Variants in DOT1L observed in about 807,000 individuals in gnomAD.
The protein encoded by DOT1L is DOT1 like histone lysine methyltransferase.
DOT1L carries 33 observed loss-of-function variants against 153.3 expected under a neutral mutation model. That is an observed-to-expected ratio of 0.22 (90% CI 0.16 to 0.29). DOT1L has a LOEUF of 0.29. Ranked by LOEUF, DOT1L falls within the 10% of genes least tolerant of loss-of-function variation. DOT1L has a pLI of 1.00. For missense variants in DOT1L, 1,847 were observed against 2,119.9 expected, an observed-to-expected ratio of 0.87 and a Z score of 2.53; for synonymous variants, 1,135 against 965.1, an observed-to-expected ratio of 1.18 and a Z score of -3.26.
chr19:2,218,029 T>C (rs1440488908), intron 22 of DOT1L, 111 bp downstream of exon 22: 4 of 1,447,702 alleles, frequency 2.8e-6, no homozygotes, highest in Non-Finnish European at 3.7e-6. Context: ...ATGTCGAGCG[T>C]GAGGCAATGC....
chr19:2,225,262 C>G, intron 25 of DOT1L, 126 bp from the exon 26 acceptor site: 2 of 932,094 alleles, frequency 2.1e-6, no homozygotes, highest in South Asian at 2.8e-5. Flanking sequence ...GCACGGGTCC[C>G]CTGTCTGGGC....
chr19:2,199,858 G>T lies in DOT1L; in HGVS notation c.652-26G>T, dbSNP rs200575059. 9.0e-5 allele frequency: 145 copies of T among 1,611,762 alleles called. No homozygotes were observed. In the East Asian group the frequency reaches 3.2e-3, roughly 35 times the overall value. On this transcript the variant is annotated intron_variant, in intron 7 of 27. Transcript: ENST00000398665. ...GGAGTGCCAGGGAGGCCGGGGGTCC[G>T]CGCTCACACCTGTTTTCCCTTTCAG...
At chr19:2,201,357 T>C (rs2023274328) in intron 8 of DOT1L, among the ~76,000 whole-genome samples, 2 of 137,340 alleles carry the variant, frequency 1.5e-5, no homozygotes, top group Admixed American at 7.2e-5. Flanking sequence ...TCCTCCCCGC[T>C]CCCCTCCTTC....
intron 9 of DOT1L, among the ~76,000 whole-genome samples, chr19:2,205,580 A>T (rs1360762474): frequency 6.6e-6 from 1 of 152,196 alleles, no homozygotes; most frequent in Non-Finnish European, 1.5e-5. Flanking sequence ...GTTCAGAGGT[A>T]TTTGAAATAA....
rs1262829365 is a variant in DOT1L, at chr19:2,220,149, G to T, written c.2733G>T (p.Ser911=). The change falls in exon 23 of 28, where the codon TCG becomes TCT. Residue 911 remains serine (S), a synonymous_variant. Transcript: ENST00000398665. This position sits in a 1 kb window ranked among gnomAD's most constrained non-coding sequence, Gnocchi z 4.5. ...PSPVLQPRDP[S]STLEKQIGAN... is the part of the protein sequence containing the mutation. ...CCGTGCTGCAGCCCCGTGACCCCTC[G>T]TCCACACTTGAAAAGCAGATTGGTG... 2 of 1,613,224 alleles carry T rather than the reference G, an allele frequency of 1.2e-6. No homozygotes were observed. Among genetic ancestry groups the T allele is most frequent in the African/African-American group, 2.7e-5 (2 of 74,812 alleles).
Position 2,191,486 on chromosome 19 carries a change from G to T in DOT1L, c.493+246G>T, listed in dbSNP as rs908307033. On this transcript the variant is annotated intron_variant, in intron 5 of 27. Transcript: ENST00000398665. The surrounding 1 kb of genome is among the most constrained non-coding windows in gnomAD (Gnocchi z 6.8). ...CCAGACCAGGCCCATCCTCCCAGGT[G>T]CCCGGAGACTCTGCTTTCGTCCTGC... Among the ~76,000 whole-genome samples, 1 of 151,994 alleles carries T rather than the reference G, an allele frequency of 6.6e-6. No individual in the cohort carries two copies. Among genetic ancestry groups the T allele is most frequent in the Non-Finnish European group, 1.5e-5 (1 of 67,982 alleles).
intron 27 of DOT1L, 81 bp downstream of exon 27, chr19:2,227,208 C>G: frequency 1.9e-6 from 3 of 1,539,758 alleles, no homozygotes; most frequent in Non-Finnish European, 2.7e-6. Flanking sequence ...CTTCCGCACT[C>G]TCTTGCAGCA....
In DOT1L at chr19:2,227,121, G is replaced by A; in HGVS notation, c.4600G>A (p.Val1534Ile). Residue 1534 changes from valine to isoleucine, a missense_variant, in exon 27 of 28, where the codon GTT becomes ATT. By Grantham distance (29) the Val-to-Ile change is conservative. Coordinates refer to ENST00000398665, the MANE Select transcript of DOT1L (RefSeq NM_032482.3). The part of the protein sequence containing the change: ...GSFSGVAGGT[V>I]GGN ...CTTTTCCGGGGTGGCAGGCGGCACAGTTGGAGGTAGGCAGGGCGGCCGTCC... is the reference window on the plus strand; with the variant it reads ...CTTTTCCGGGGTGGCAGGCGGCACAATTGGAGGTAGGCAGGGCGGCCGTCC... 1 of 1,558,774 alleles carries A rather than the reference G, an allele frequency of 6.4e-7. No individual in the cohort carries two copies. The highest frequency in any genetic ancestry group is 8.6e-7 in the Non-Finnish European group (1 of 1,160,496).
At chr19:2,205,294 TTC>T (rs1234812720) in intron 9 of DOT1L, among the ~76,000 whole-genome samples, 1 of 152,138 alleles carries the variant, frequency 6.6e-6, no homozygotes, top group Non-Finnish European at 1.5e-5. Flanking sequence ...TATGATTACC[TTC>T]TTTATATGTG....
In DOT1L at chr19:2,227,905, C is replaced by A. The variant is rs755813593; in HGVS notation, c.4606+778C>A. 38 of 1,231,546 alleles carry A rather than the reference C, an allele frequency of 3.1e-5. No homozygotes were observed. The South Asian group carries it at 5.2e-4, about 17-fold the overall frequency. 76.3% of individuals were successfully genotyped at this position (1,231,546 alleles called of 1,614,324 possible). On this transcript the variant is annotated intron_variant, in intron 27 of 27. Coordinates refer to ENST00000398665, the MANE Select transcript of DOT1L (RefSeq NM_032482.3). ...CCGGCCTCGGTTGAGACCCGGCCGC[C>A]CCCTCCGCCTCCGCCTCCGCCTCCC...
rs150962884 is a variant in DOT1L, at chr19:2,229,137, G to A, written c.4607-648G>A. On this transcript the variant is annotated intron_variant, in intron 27 of 27. Coordinates refer to ENST00000398665, the MANE Select transcript of DOT1L (RefSeq NM_032482.3). Reference sequence around the variant, plus strand: ...ACGGTGCCCACCTTTGAGACCAGAAGGAAGTTGGAAGCAGGAGTGATTTTG... The same window carrying A: ...ACGGTGCCCACCTTTGAGACCAGAAAGAAGTTGGAAGCAGGAGTGATTTTG... The A allele has an allele frequency of 2.5e-5, 25 of 985,402 alleles. No individual in the cohort carries two copies. In the African/African-American group the frequency reaches 3.8e-4, roughly 15 times the overall value. 61.0% of individuals were successfully genotyped at this position (985,402 alleles called of 1,614,324 possible). A position where few individuals can be genotyped will look rare whatever the true frequency, so the allele number is the denominator to read the frequency against.
chr19:2,227,262 T>G, intron 27 of DOT1L, 135 bp downstream of exon 27: 1 of 1,153,446 alleles, frequency 8.7e-7, no homozygotes, highest in Non-Finnish European at 1.3e-6. Context: ...GCCCCCGCCA[T>G]CCGTGCACGG....
In DOT1L at chr19:2,226,718, C is replaced by T. The variant is rs768918581; in HGVS notation, c.4197C>T (p.Pro1399=). 2 of 1,564,530 alleles carry T rather than the reference C, an allele frequency of 1.3e-6. No homozygotes were observed. Among genetic ancestry groups the T allele is most frequent in the South Asian group, 2.4e-5 (2 of 84,976 alleles). ...AGEGGLPLCG[P]TDKTPLLSGK... ...AGGGCGGCCTACCGCTGTGCGGGCC[C>T]ACGGACAAGACCCCACTGCTGAGCG... Residue 1399 remains proline (P), a synonymous_variant, in exon 27 of 28, where the codon CCC becomes CCT. Coordinates refer to ENST00000398665, the MANE Select transcript of DOT1L (RefSeq NM_032482.3).
chr19:2,165,734 A>C (rs1028305359), intron 1 of DOT1L, among the ~76,000 whole-genome samples: 1 of 151,570 alleles, frequency 6.6e-6, no homozygotes, highest in Non-Finnish European at 1.5e-5. Flanking sequence ...GAGGTGGCTT[A>C]CCACCGTCCG....
At position 2,231,109 on chromosome 19, in the gene DOT1L, T is replaced by C; in HGVS notation, c.*1317T>C. ...GCAGGCAGGGCCACTCCAGTGCTTCTGGAGCCCTGAGCAGTCAGGGCCTGG... is the reference window on the plus strand; with the variant it reads ...GCAGGCAGGGCCACTCCAGTGCTTCCGGAGCCCTGAGCAGTCAGGGCCTGG... On this transcript the variant is annotated 3_prime_UTR_variant, in exon 28 of 28. Coordinates refer to ENST00000398665, the MANE Select transcript of DOT1L (RefSeq NM_032482.3). The C allele has an allele frequency of 4.3e-6, 1 of 229,980 alleles. No homozygotes were observed. Among genetic ancestry groups the C allele is most frequent in the Non-Finnish European group, 8.6e-6 (1 of 116,010 alleles). 14.2% of individuals were successfully genotyped at this position (229,980 alleles called of 1,614,324 possible). A position where few individuals can be genotyped will look rare whatever the true frequency, so the allele number is the denominator to read the frequency against.
chr19:2,187,428 A>G (rs2144725026), intron 3 of DOT1L, among the ~76,000 whole-genome samples: 1 of 152,322 alleles, frequency 6.6e-6, no homozygotes. Context: ...GACATCAGGG[A>G]CAGGCTGGGC....
Position 2,185,917 on chromosome 19 carries a change from A to G in DOT1L, c.188A>G (p.Tyr63Cys). ...LAMENYVLID[Y>C]DTKSFESMQR... Reference sequence around the variant, plus strand: ...ATGGAGAATTACGTTTTAATTGACTATGACACCAAAAGGTAAGCAGAGTCC... The same window carrying G: ...ATGGAGAATTACGTTTTAATTGACTGTGACACCAAAAGGTAAGCAGAGTCC... The change falls in exon 3 of 28, where the codon TAT becomes TGT. Residue 63 changes from tyrosine (Y) to cysteine (C), a missense_variant. Transcript: ENST00000398665. 1 of 1,614,110 alleles carries G rather than the reference A, an allele frequency of 6.2e-7. No individual in the cohort carries two copies. Among genetic ancestry groups the G allele is most frequent in the Non-Finnish European group, 8.5e-7 (1 of 1,180,000 alleles).
At chr19:2,183,239 C>G (rs1220134221) in intron 2 of DOT1L, among the ~76,000 whole-genome samples, 1 of 152,194 alleles carries the variant, frequency 6.6e-6, no homozygotes, top group Non-Finnish European at 1.5e-5. Flanking sequence ...GGTGCCATCT[C>G]AGCTCACTGC....
At position 2,216,734 on chromosome 19, in the gene DOT1L, G is replaced by A. The variant is rs751291437; in HGVS notation, c.2377G>A (p.Gly793Ser). Residue 793 changes from glycine to serine, a missense_variant, in exon 20 of 28, where the codon GGC becomes AGC. Transcript: ENST00000398665. The part of the protein sequence containing the change: ...RHLSQDHTVP[G>S]RPAASELHSR... ...CCTGAGCCAGGACCACACGGTGCCC[G>A]GCAGGCCGGCTGCCAGTGAGCTGCA... 2.4e-5 allele frequency: 39 copies of A among 1,596,140 alleles called. No homozygotes were observed. The highest frequency in any genetic ancestry group is 5.0e-5 in the Admixed American group (3 of 59,816).
Sources: gnomAD v4.1 joint callset for allele counts (sites outside exome capture counted in the v4.1 genomes callset) on GRCh38, gnomAD v4.1.1 for gene constraint, Gnocchi (gnomAD v3.1) non-coding constraint, MANE v1.5 for transcripts, NCBI Gene and HGNC (gene_info 2026-07-23, HGNC 2026-07-21) for gene names.